COP1: variants seen among roughly 807,000 people sequenced by gnomAD.
COP1 encodes COP1 E3 ubiquitin ligase, also known as E3 ubiquitin-protein ligase COP1.
A neutral mutation model predicts 101.3 loss-of-function variants in COP1; 24 were observed. The observed-to-expected ratio is 0.24, with a 90% CI of 0.17 to 0.33. The LOEUF (loss-of-function observed/expected upper bound fraction) is 0.33, where lower values mean the gene tolerates loss of function less well. Ranked by LOEUF, COP1 falls within the 10% of genes least tolerant of loss-of-function variation. The probability of loss-of-function intolerance (pLI) is 1.00; values close to 1 mark genes in which losing one functional copy is unlikely to be tolerated. For missense variants in COP1, 663 were observed against 906.2 expected (o/e 0.73, Z 3.45); for synonymous variants, 347 against 341.9 (o/e 1.01, Z -0.17).
At chr1:176,151,848 G>C (rs115724265) in intron 5 of COP1, among the ~76,000 whole-genome samples, 1 of 151,796 alleles carries the variant, frequency 6.6e-6, no homozygotes, top group Admixed American at 6.6e-5. Flanking sequence ...CTATAAATGA[G>C]TAATTTGGTC....
intron 18 of COP1, among the ~76,000 whole-genome samples, chr1:175,962,683 C>T (rs1651518726): frequency 6.6e-6 from 1 of 152,092 alleles, no homozygotes; most frequent in Non-Finnish European, 1.5e-5. Flanking sequence ...CAGACCTAGC[C>T]AGAGAACCTA....
chr1:176,151,410 AAAGAAAGAAACAT>A (rs1692561106), intron 5 of COP1, among the ~76,000 whole-genome samples: 1 of 140,646 alleles, frequency 7.1e-6, no homozygotes, highest in South Asian at 2.3e-4. Flanking sequence ...AGAAAGAAAG[AAAGAAAGAAACAT>A]ATTTAGAATT....
chr1:176,009,959 A>G (rs1398527825), intron 15 of COP1, among the ~76,000 whole-genome samples: 1 of 151,732 alleles, frequency 6.6e-6, no homozygotes, highest in Non-Finnish European at 1.5e-5. Context: ...GCCATAACTG[A>G]AAAAGTATGC....
intron 9 of COP1, among the ~76,000 whole-genome samples, chr1:176,109,421 CA>C (rs1309113631): frequency 6.6e-6 from 1 of 152,204 alleles, no homozygotes; most frequent in African/African-American, 2.4e-5. Context: ...CCACCTTTAT[CA>C]CAGACTATTA....
intron 11 of COP1, among the ~76,000 whole-genome samples, chr1:176,047,294 T>C (rs1671691611): frequency 6.6e-6 from 1 of 152,234 alleles, no homozygotes; most frequent in South Asian, 2.1e-4. Flanking sequence ...ATTTTGCATG[T>C]ATTACCTCAT....
rs1227884588 is a variant in COP1, at chr1:176,206,755, G to A, written c.224C>T (p.Ser75Leu). The A allele has an allele frequency of 6.6e-7, 1 of 1,522,042 alleles. No individual in the cohort carries two copies. The highest frequency in any genetic ancestry group is 8.8e-7 in the Non-Finnish European group (1 of 1,141,932). The allele number at this position is 1,522,042 out of a possible 1,614,324, so 94.3% of individuals were successfully genotyped here. ...VRPVLVAPAV[S>L]GSGGGAVSTG... ...GGACACCGCCCCGCCGCCGCTACCCGATACGGCGGGCGCCACCAACACAGG... is the reference window on the plus strand; with the variant it reads ...GGACACCGCCCCGCCGCCGCTACCCAATACGGCGGGCGCCACCAACACAGG... Residue 75 changes from serine to leucine, a missense_variant, in exon 1 of 20, where the codon TCG becomes TTG. Coordinates refer to ENST00000367669, the MANE Select transcript of COP1 (RefSeq NM_022457.7).
At chr1:176,067,383 C>T (rs12732105) in intron 11 of COP1, among the ~76,000 whole-genome samples, 4 of 152,130 alleles carry the variant, frequency 2.6e-5, no homozygotes, top group African/African-American at 7.2e-5. Flanking sequence ...CGCCCCCATC[C>T]TGCACCTATA....
intron 18 of COP1, among the ~76,000 whole-genome samples, chr1:175,960,703 G>C (rs1016036675): frequency 5.3e-5 from 8 of 152,172 alleles, no homozygotes; most frequent in Non-Finnish European, 1.2e-4. Flanking sequence ...ATTATAAAGG[G>C]CCTTTATAAG....
Position 175,963,730 on chromosome 1 carries a change from G to T in COP1, c.2134-16491C>A, listed in dbSNP as rs144214243. 3.0e-3 allele frequency among the ~76,000 whole-genome samples: 458 copies of T among 152,152 alleles called. 2 individuals are homozygous for T. Among genetic ancestry groups the T allele is most frequent in the African/African-American group, 0.01 (430 of 41,510 alleles). On this transcript the variant is annotated intron_variant, in intron 18 of 19. Coordinates refer to ENST00000367669, the MANE Select transcript of COP1 (RefSeq NM_022457.7). ...TATCTTTATGAAGCCCAGCTCAAAA[G>T]CCCCTATCTTCATAAAGTATTCCAT... is the stretch of plus-strand genomic sequence containing the variant.
chr1:176,139,281 AAAAAAAC>A (rs1324332819), intron 6 of COP1, among the ~76,000 whole-genome samples: 3 of 120,714 alleles, frequency 2.5e-5, no homozygotes, highest in African/African-American at 9.8e-5. Flanking sequence ...AACAAAAACA[AAAAAAAC>A]AAAAAAAAAA....
intron 2 of COP1, among the ~76,000 whole-genome samples, chr1:176,178,870 A>C (rs1697339826): frequency 6.6e-6 from 1 of 151,804 alleles, no homozygotes; most frequent in African/African-American, 2.4e-5. Flanking sequence ...ACTCCATCCC[A>C]AAAAAAGGTA....
chr1:176,036,520 A>AAAAAAAAAAAAAAAAAAC (rs1553232075), intron 14 of COP1, among the ~76,000 whole-genome samples: 1 of 143,762 alleles, frequency 7.0e-6, no homozygotes. Context: ...AAAAAAAAAA[A>AAAAAAAAAAAAAAAAAAC]AAAAAAGCAT....
intron 6 of COP1, among the ~76,000 whole-genome samples, chr1:176,144,832 A>C (rs1045407248): frequency 7.9e-5 from 12 of 152,192 alleles, no homozygotes; most frequent in African/African-American, 2.9e-4. Context: ...ATATGAAAAT[A>C]TCTCTATACC....
chr1:175,986,726 T>G (rs1657212579), intron 18 of COP1, among the ~76,000 whole-genome samples: 1 of 152,236 alleles, frequency 6.6e-6, no homozygotes, highest in Non-Finnish European at 1.5e-5. Flanking sequence ...CTAAATGCTA[T>G]GGGTCACAGA....
At chr1:175,972,850 G>T (rs974204070) in intron 18 of COP1, among the ~76,000 whole-genome samples, 4 of 152,014 alleles carry the variant, frequency 2.6e-5, no homozygotes, top group African/African-American at 9.7e-5. Flanking sequence ...TTAATTTTTT[G>T]AGACGGAGTT....
intron 18 of COP1, among the ~76,000 whole-genome samples, chr1:175,966,727 A>C (rs920581143): frequency 6.6e-6 from 1 of 152,232 alleles, no homozygotes; most frequent in African/African-American, 2.4e-5. Flanking sequence ...ATTACATTTC[A>C]AATGTCATAA....
intron 15 of COP1, among the ~76,000 whole-genome samples, chr1:175,998,745 C>A (rs1179326019): frequency 6.6e-6 from 1 of 152,050 alleles, no homozygotes; most frequent in Non-Finnish European, 1.5e-5. Flanking sequence ...GGAAGGAACT[C>A]ATTTCTCTTC....
At chr1:176,048,619 TC>T (rs1266407031) in intron 11 of COP1, among the ~76,000 whole-genome samples, 5 of 152,154 alleles carry the variant, frequency 3.3e-5, no homozygotes, top group African/African-American at 4.8e-5. Flanking sequence ...AGAGTTATTA[TC>T]AGAACTGAAA....
At chr1:176,120,318 G>A (rs2149625143) in intron 8 of COP1, among the ~76,000 whole-genome samples, 1 of 152,074 alleles carries the variant, frequency 6.6e-6, no homozygotes, top group Admixed American at 6.5e-5. Context: ...TACTAGGGAG[G>A]CTGAGGCAGG....
Sources: allele counts gnomAD v4.1 joint callset (sites outside exome capture counted in the v4.1 genomes callset), GRCh38; gene constraint gnomAD v4.1.1; transcripts MANE v1.5; gene names NCBI Gene and HGNC (gene_info 2026-07-23, HGNC 2026-07-21).